The following CPNE5 variants were observed in gnomAD, a reference collection of about 807,000 sequenced individuals.
The protein encoded by CPNE5 is copine 5.
In CPNE5, 42 loss-of-function variants were observed where a neutral mutation model predicts 81.1. That is an observed-to-expected ratio of 0.52 (90% CI 0.40 to 0.67). The LOEUF is 0.67. CPNE5 is among the 30% of genes least tolerant of loss of function. The pLI is 0.00. For missense variants in CPNE5, 612 were observed against 815.5 expected (o/e 0.75, Z 3.04); for synonymous variants, 313 against 321.5 (o/e 0.97, Z 0.28).
intron 12 of CPNE5, among the ~76,000 whole-genome samples, chr6:36,761,288 G>A (rs950321575): frequency 1.3e-5 from 2 of 152,204 alleles, no homozygotes; most frequent in African/African-American, 4.8e-5. Context: ...CTGTATTAGA[G>A]CCCTTTCAAA....
At chr6:36,827,779 C>G (rs565051580) in intron 1 of CPNE5, 4 of 984,108 alleles carry the variant, frequency 4.1e-6, no homozygotes, top group South Asian at 4.7e-5. Context: ...CCCGAGACAC[C>G]AGGGCACAGA....
chr6:36,762,534 C>T (rs1766149367), intron 12 of CPNE5, among the ~76,000 whole-genome samples: 1 of 152,168 alleles, frequency 6.6e-6, no homozygotes, highest in Non-Finnish European at 1.5e-5. Context: ...GGCCCTGAAA[C>T]TGTTCTGATT....
chr6:36,750,993 C>G (rs1239009764), intron 14 of CPNE5, among the ~76,000 whole-genome samples: 1 of 152,232 alleles, frequency 6.6e-6, no homozygotes, highest in Non-Finnish European at 1.5e-5. Context: ...GCAACCAGCT[C>G]CTCCTCTGAC....
intron 7 of CPNE5, among the ~76,000 whole-genome samples, chr6:36,792,900 C>T (rs1197952588): frequency 1.3e-5 from 2 of 152,122 alleles, no homozygotes; most frequent in African/African-American, 4.8e-5. Context: ...TCAGGGGCCA[C>T]TGGGAGGGAG....
At chr6:36,835,804 C>CAAA (rs112360661) in intron 1 of CPNE5, among the ~76,000 whole-genome samples, 1 of 123,582 alleles carries the variant, frequency 8.1e-6, no homozygotes, top group Non-Finnish European at 1.7e-5. Context: ...AACTCCGTCT[C>CAAA]AAAAAAAAAA....
At chr6:36,776,971 G>A (rs1256981653) in intron 9 of CPNE5, among the ~76,000 whole-genome samples, 1 of 152,234 alleles carries the variant, frequency 6.6e-6, no homozygotes, top group Non-Finnish European at 1.5e-5. Context: ...CCCACCGCTA[G>A]GCGGGCCTCC....
At chr6:36,839,544 G>A, upstream of CPNE5, 2 of 544,998 alleles carry the variant, frequency 3.7e-6, no homozygotes, top group Non-Finnish European at 3.2e-6. This position sits in a 1 kb window ranked among gnomAD's most constrained non-coding sequence, Gnocchi z 7.3. Flanking sequence ...AGAGGGAAGA[G>A]GGCGGAGGGA....
Position 36,805,306 on chromosome 6 carries a change from C to T in CPNE5, c.184-5236G>A, listed in dbSNP as rs574843854. Among the ~76,000 whole-genome samples the T allele has an allele frequency of 8.5e-5, 13 of 152,344 alleles. No homozygotes were observed. In the South Asian group the frequency reaches 2.7e-3, roughly 32 times the overall value. ...GCAGGGGGGTTAACCCCTCACCACC[C>T]GTAATACAGAGCGCAGCCAGCCCTG... On this transcript the variant is annotated intron_variant, in intron 3 of 20. Coordinates refer to ENST00000244751, the MANE Select transcript of CPNE5 (RefSeq NM_020939.2).
At chr6:36,765,102 C>T (rs941711121) in intron 11 of CPNE5, among the ~76,000 whole-genome samples, 3 of 152,174 alleles carry the variant, frequency 2.0e-5, no homozygotes, top group African/African-American at 7.2e-5. Flanking sequence ...ATGCCCCTCA[C>T]ACCATATCCT....
chr6:36,837,696 A>G (rs527501755), intron 1 of CPNE5, among the ~76,000 whole-genome samples: 1 of 152,136 alleles, frequency 6.6e-6, no homozygotes, highest in East Asian at 1.9e-4. Flanking sequence ...GCTTTTCAGG[A>G]GTGGGGGGAT....
chr6:36,831,503 G>A (rs752282688), intron 1 of CPNE5, among the ~76,000 whole-genome samples: 194 of 151,794 alleles, frequency 1.3e-3, no homozygotes, highest in Non-Finnish European at 1.8e-3. Context: ...ACAGGCGCCC[G>A]CCACCACACC....
chr6:36,778,143 G>A (rs1009035335), intron 9 of CPNE5, among the ~76,000 whole-genome samples: 1 of 152,164 alleles, frequency 6.6e-6, no homozygotes, highest in Non-Finnish European at 1.5e-5. Context: ...GCCCAGAGAG[G>A]GGTCTTCACT....
intron 8 of CPNE5, among the ~76,000 whole-genome samples, chr6:36,789,941 C>T (rs149307569): frequency 6.6e-6 from 1 of 152,158 alleles, no homozygotes; most frequent in East Asian, 1.9e-4. Context: ...TTTTGGTCAT[C>T]TCTAGACTGC....
At chr6:36,792,294 C>G in intron 7 of CPNE5, 198 bp from the exon 8 acceptor site, 3 of 1,486,854 alleles carry the variant, frequency 2.0e-6, no homozygotes, top group Non-Finnish European at 2.7e-6. Context: ...GGGACCGGGT[C>G]CCCGAGCCTG....
chr6:36,746,183 G>A lies in CPNE5; in HGVS notation c.1200+213C>T, dbSNP rs1764136954. 2.0e-6 allele frequency: 2 copies of A among 985,302 alleles called. No homozygotes were observed. The highest frequency in any genetic ancestry group is 2.4e-6 in the Non-Finnish European group (2 of 829,924). 61.0% of individuals were successfully genotyped at this position (985,302 alleles called of 1,614,324 possible). A position where few individuals can be genotyped will look rare whatever the true frequency, so the allele number is the denominator to read the frequency against. ...GAACAAGGAAGCCAGGGCCAGCTGT[G>A]GGCAGGCAGCTTCAGACATGGAGGG... On this transcript the variant is annotated intron_variant, in intron 16 of 20. Transcript: ENST00000244751. This position sits in a 1 kb window ranked among gnomAD's most constrained non-coding sequence, Gnocchi z 4.5.
intron 10 of CPNE5, among the ~76,000 whole-genome samples, chr6:36,767,069 TG>T (rs1172818508): frequency 1.3e-5 from 2 of 152,232 alleles, no homozygotes; most frequent in East Asian, 3.8e-4. Context: ...TTGGCCAGGC[TG>T]GCCTCGAACT....
At chr6:36,792,381 A>C in intron 7 of CPNE5, 1 of 1,481,714 alleles carries the variant, frequency 6.7e-7, no homozygotes, top group East Asian at 2.8e-5. Context: ...GAATTGGAAA[A>C]GCATCCAGAC....
intron 9 of CPNE5, among the ~76,000 whole-genome samples, chr6:36,775,929 GT>G (rs941502724): frequency 3.9e-5 from 6 of 152,070 alleles, no homozygotes; most frequent in African/African-American, 1.4e-4. Flanking sequence ...TGGGGGGCGA[GT>G]TTCCATAGCT....
chr6:36,792,686 G>C (rs1217475073), intron 7 of CPNE5, among the ~76,000 whole-genome samples: 2 of 152,170 alleles, frequency 1.3e-5, no homozygotes, highest in Non-Finnish European at 2.9e-5. Context: ...CAGCTCCCCA[G>C]TGAAGTGGGC....
Sources: gnomAD v4.1 joint callset for allele counts (sites outside exome capture counted in the v4.1 genomes callset) on GRCh38, gnomAD v4.1.1 for gene constraint, Gnocchi (gnomAD v3.1) non-coding constraint, MANE v1.5 for transcripts, NCBI Gene and HGNC (gene_info 2026-07-23, HGNC 2026-07-21) for gene names.